The following SEMA3A variants were observed in gnomAD, a reference collection of about 807,000 sequenced individuals.
SEMA3A encodes the protein semaphorin-3A.
SEMA3A carries 29 observed loss-of-function variants against 97.9 expected under a neutral mutation model. That is an observed-to-expected ratio of 0.30 (90% CI 0.22 to 0.40). The LOEUF (loss-of-function observed/expected upper bound fraction) is 0.40, where lower values mean the gene tolerates loss of function less well. SEMA3A is among the 10% of genes least tolerant of loss of function. The pLI, the probability that SEMA3A is intolerant of heterozygous loss-of-function variation, is 1.00. For synonymous variants in SEMA3A, 321 were observed against 323.7 expected (o/e 0.99, Z 0.09); for missense variants, 763 against 951.3 (o/e 0.80, Z 2.60).
At chr7:84,445,352 G>C (rs1464132286) in intron 1 of SEMA3A, among the ~76,000 whole-genome samples, 2 of 151,328 alleles carry the variant, frequency 1.3e-5, no homozygotes, top group Non-Finnish European at 2.9e-5. Flanking sequence ...AAATTAGCTG[G>C]GCGTGGTGGT....
At chr7:84,239,917 T>C (rs2116376582) in intron 3 of SEMA3A, among the ~76,000 whole-genome samples, 1 of 152,250 alleles carries the variant, frequency 6.6e-6, no homozygotes, top group African/African-American at 2.4e-5. Flanking sequence ...TGATGCAGTA[T>C]GGTAGATTAA....
chr7:84,411,760 G>A (rs1562938161), intron 1 of SEMA3A, among the ~76,000 whole-genome samples: 1 of 151,908 alleles, frequency 6.6e-6, no homozygotes, highest in East Asian at 1.9e-4. Flanking sequence ...GAAACAGCTG[G>A]GTTTAAACAA....
intron 3 of SEMA3A, among the ~76,000 whole-genome samples, chr7:84,261,945 T>G (rs527772277): frequency 6.7e-6 from 1 of 150,016 alleles, no homozygotes; most frequent in African/African-American, 2.4e-5. Flanking sequence ...GTGAATATTG[T>G]TATCTTTTTT....
chr7:84,449,263 G>A (rs997852360), intron 1 of SEMA3A, among the ~76,000 whole-genome samples: 3 of 152,082 alleles, frequency 2.0e-5, no homozygotes, highest in African/African-American at 7.2e-5. Flanking sequence ...TGAATGAAAC[G>A]TATAGATGTA....
intron 11 of SEMA3A, among the ~76,000 whole-genome samples, chr7:84,004,952 A>G (rs910945553): frequency 1.3e-5 from 2 of 152,092 alleles, no homozygotes; most frequent in African/African-American, 2.4e-5. Flanking sequence ...GAGCAATGTC[A>G]ACTCTTACTC....
At chr7:84,463,152 T>C in intron 1 of SEMA3A, among the ~76,000 whole-genome samples, 1 of 151,930 alleles carries the variant, frequency 6.6e-6, no homozygotes, top group East Asian at 1.9e-4. Flanking sequence ...GCACTCAGAA[T>C]CTACATTCTG....
chr7:84,229,980 C>T (rs942199850), intron 3 of SEMA3A, among the ~76,000 whole-genome samples: 1 of 151,900 alleles, frequency 6.6e-6, no homozygotes, highest in African/African-American at 2.4e-5. Context: ...CTGATCTTAC[C>T]CCCCCTTTAC....
At chr7:84,453,168 C>G (rs1447793814) in intron 1 of SEMA3A, among the ~76,000 whole-genome samples, 1 of 151,318 alleles carries the variant, frequency 6.6e-6, no homozygotes, top group Non-Finnish European at 1.5e-5. Context: ...TAAGCAAATT[C>G]AACAGTGACA....
chr7:84,060,684 T>G, intron 4 of SEMA3A, 126 bp from the exon 5 acceptor site: 1 of 586,676 alleles, frequency 1.7e-6, no homozygotes, highest in Non-Finnish European at 2.7e-6. Context: ...TTTTATTTGT[T>G]CAAATTTTTG....
chr7:84,407,389 A>G (rs1804124586), intron 1 of SEMA3A, among the ~76,000 whole-genome samples: 1 of 152,170 alleles, frequency 6.6e-6, no homozygotes, highest in African/African-American at 2.4e-5. Context: ...CAATGAAATA[A>G]AAGAGGATAC....
At chr7:83,988,039 G>A (rs1319692006) in intron 12 of SEMA3A, among the ~76,000 whole-genome samples, 1 of 152,042 alleles carries the variant, frequency 6.6e-6, no homozygotes, top group East Asian at 1.9e-4. Context: ...TTTCTTGGCT[G>A]CTTCCTCTAA....
At chr7:84,075,176 CTT>C (rs201373532) in intron 4 of SEMA3A, among the ~76,000 whole-genome samples, 34 of 139,664 alleles carry the variant, frequency 2.4e-4, no homozygotes, top group South Asian at 2.3e-4. Flanking sequence ...TTGACTTCAA[CTT>C]TTTTTTTTTT....
intron 3 of SEMA3A, among the ~76,000 whole-genome samples, chr7:84,233,415 A>C (rs1411147081): frequency 2.6e-4 from 39 of 151,982 alleles, no homozygotes; most frequent in Non-Finnish European, 1.5e-5. Flanking sequence ...TTTACTTAAT[A>C]AAGTTGTTGT....
intron 1 of SEMA3A, among the ~76,000 whole-genome samples, chr7:84,376,402 A>C (rs1269508731): frequency 8.6e-6 from 1 of 116,812 alleles, no homozygotes; most frequent in Non-Finnish European, 1.9e-5. Flanking sequence ...GGAGATCGAG[A>C]CCATCCTGGC....
chr7:84,255,389 C>T (rs10233152), intron 3 of SEMA3A, among the ~76,000 whole-genome samples: 103,725 of 151,830 alleles, frequency 0.68, 35,548 homozygotes, highest in Middle Eastern at 0.7. Flanking sequence ...AGACTATCTC[C>T]CCCAAAGGCA....
rs558529735 is a variant in SEMA3A at position 83,965,915 on chromosome 7, G to A, written c.1718-2568C>T. On this transcript the variant is annotated intron_variant, in intron 15 of 16. Coordinates refer to ENST00000265362, the MANE Select transcript of SEMA3A (RefSeq NM_006080.3). ...AGGATGGTCTCGATCTCCTGACCTC[G>A]TGATCCGCCCACCTCAGCCTCCCAA... Among the ~76,000 whole-genome samples the A allele has an allele frequency of 6.0e-5, 9 of 150,130 alleles. No individual in the cohort carries two copies. In the South Asian group the frequency reaches 1.7e-3, roughly 28 times the overall value.
chr7:84,018,254 C>T (rs1486040988), intron 6 of SEMA3A, among the ~76,000 whole-genome samples: 1 of 152,096 alleles, frequency 6.6e-6, no homozygotes, highest in Non-Finnish European at 1.5e-5. Context: ...GAAGAATGAT[C>T]TTTTCTCATT....
chr7:84,408,519 C>T (rs1175876460), intron 1 of SEMA3A, among the ~76,000 whole-genome samples: 3 of 151,988 alleles, frequency 2.0e-5, no homozygotes, highest in African/African-American at 4.8e-5. Flanking sequence ...GAAATACCAT[C>T]TGACCCAGCC....
At chr7:84,173,971 C>G (rs1358702081) in intron 1 of SEMA3A, among the ~76,000 whole-genome samples, 1 of 152,056 alleles carries the variant, frequency 6.6e-6, no homozygotes, top group Non-Finnish European at 1.5e-5. Context: ...TGGAGCTGAG[C>G]CGGTGATGCT....
Sources: gnomAD v4.1 joint callset for allele counts (sites outside exome capture counted in the v4.1 genomes callset) on GRCh38, gnomAD v4.1.1 for gene constraint, MANE v1.5 for transcripts, NCBI Gene and HGNC (gene_info 2026-07-23, HGNC 2026-07-21) for gene names.